The following ST3GAL1 variants were observed in gnomAD, a reference collection of about 807,000 sequenced individuals.
ST3GAL1 encodes the protein CMP-N-acetylneuraminate-beta-galactosamide-alpha-2,3-sialyltransferase 1.
ST3GAL1 carries 16 observed loss-of-function variants against 34.1 expected under a neutral mutation model. That is an observed-to-expected ratio of 0.47 (90% confidence interval 0.32 to 0.71). The LOEUF (loss-of-function observed/expected upper bound fraction) is 0.71. Ranked by LOEUF, ST3GAL1 falls within the 30% of genes least tolerant of loss-of-function variation. The pLI is 0.04. For synonymous variants in ST3GAL1, 191 were observed against 184.7 expected, an observed-to-expected ratio of 1.03 and a Z score of -0.28; for missense variants, 353 against 447.4, an observed-to-expected ratio of 0.79 and a Z score of 1.90.
intron 3 of ST3GAL1, among the ~76,000 whole-genome samples, chr8:133,493,729 C>A (rs762361614): frequency 8.7e-4 from 132 of 152,144 alleles, no homozygotes; most frequent in Admixed American, 1.9e-3. Flanking sequence ...GCCTGTAGTC[C>A]CAGCTACTCG....
At chr8:133,471,314 A>G (rs1297872826) in intron 5 of ST3GAL1, among the ~76,000 whole-genome samples, 1 of 152,190 alleles carries the variant, frequency 6.6e-6, no homozygotes, top group African/African-American at 2.4e-5. Context: ...CCCCTATCAC[A>G]TCCCCGGTGC....
rs193016155 is a variant in ST3GAL1, at chr8:133,469,710, C to T, written c.307-3620G>A. ...TCTCCCTTAGAACAAGGCTGACAAG[C>T]GCTGACAAGGTGCAAAGTAAGACAC... On this transcript the variant is annotated intron_variant, in intron 5 of 9. Coordinates refer to ENST00000522652, the MANE Select transcript of ST3GAL1 (RefSeq NM_173344.3). This position sits in a 1 kb window ranked among gnomAD's most constrained non-coding sequence, Gnocchi z 4.3. Among the ~76,000 whole-genome samples the T allele has an allele frequency of 6.6e-6, 1 of 152,324 alleles. No individual in the cohort carries two copies. Among genetic ancestry groups the T allele is most frequent in the Admixed American group, 6.5e-5 (1 of 15,302 alleles).
rs1285832167 is a variant in ST3GAL1, at chr8:133,455,296, T to C, written c.*4468A>G. 6.6e-6 allele frequency: 1 copy of C among 152,550 alleles called. No homozygotes were observed. The highest frequency in any genetic ancestry group is 2.4e-5 in the African/African-American group (1 of 41,438). 9.4% of individuals were successfully genotyped at this position (152,550 alleles called of 1,614,324 possible). ...TGATGAGGCTGGGTGATGGGATCGCTTGACGGGCTGGGAGGGAGGACAGGA... is the reference window on the plus strand; with the variant it reads ...TGATGAGGCTGGGTGATGGGATCGCCTGACGGGCTGGGAGGGAGGACAGGA... On this transcript the variant is annotated 3_prime_UTR_variant, in exon 10 of 10. Coordinates refer to ENST00000522652, the MANE Select transcript of ST3GAL1 (RefSeq NM_173344.3).
At position 133,514,390 on chromosome 8, in the gene ST3GAL1, G is replaced by A. The variant is rs75132893; in HGVS notation, c.-428-15201C>T. Among the ~76,000 whole-genome samples, 748 of 152,184 alleles carry A rather than the reference G, an allele frequency of 4.9e-3. 4 individuals are homozygous for A. Among genetic ancestry groups the A allele is most frequent in the African/African-American group, 0.017 (701 of 41,530 alleles). ...CCAGTGTCACAGCTATTTGCTCCCC[G>A]TCATATCTCCAGCAAGGAGCCTGGG... On this transcript the variant is annotated intron_variant, in intron 2 of 9. Coordinates refer to ENST00000522652, the MANE Select transcript of ST3GAL1 (RefSeq NM_173344.3).
chr8:133,490,411 G>A (rs896120576), intron 3 of ST3GAL1, among the ~76,000 whole-genome samples: 11 of 152,350 alleles, frequency 7.2e-5, no homozygotes, highest in South Asian at 2.1e-4. Context: ...ACACTAGGCC[G>A]GCTCCAGGAT....
chr8:133,505,234 G>C (rs1450913249), intron 2 of ST3GAL1, among the ~76,000 whole-genome samples: 1 of 152,186 alleles, frequency 6.6e-6, no homozygotes, highest in African/African-American at 2.4e-5. Flanking sequence ...CTGGAACATA[G>C]AGATAGTGTC....
At chr8:133,478,842 AGCCTCACTATGGCAGT>A (rs1373502561) in intron 3 of ST3GAL1, among the ~76,000 whole-genome samples, 2 of 152,182 alleles carry the variant, frequency 1.3e-5, no homozygotes, top group African/African-American at 4.8e-5. Context: ...ATGGAAACTC[AGCCTCACTATGGCAGT>A]GACCCTGTCA....
intron 1 of ST3GAL1, among the ~76,000 whole-genome samples, chr8:133,563,979 G>C (rs1819317717): frequency 6.6e-6 from 1 of 152,194 alleles, no homozygotes; most frequent in Non-Finnish European, 1.5e-5. Context: ...GTCTCAGAGT[G>C]TACTGTCTAT....
At chr8:133,488,626 A>G (rs1418544095) in intron 3 of ST3GAL1, among the ~76,000 whole-genome samples, 1 of 152,150 alleles carries the variant, frequency 6.6e-6, no homozygotes, top group Non-Finnish European at 1.5e-5. Flanking sequence ...TCCCCTGGAG[A>G]GCCCTGACTG....
intron 2 of ST3GAL1, among the ~76,000 whole-genome samples, chr8:133,541,439 C>G (rs1292129603): frequency 6.6e-6 from 1 of 152,090 alleles, no homozygotes; most frequent in Non-Finnish European, 1.5e-5. Context: ...TCAAGGTCTT[C>G]ACAAGGACAG....
intron 2 of ST3GAL1, among the ~76,000 whole-genome samples, chr8:133,539,212 A>C (rs1481948694): frequency 6.6e-6 from 1 of 152,182 alleles, no homozygotes; most frequent in Non-Finnish European, 1.5e-5. Context: ...AGAAGAACGA[A>C]GTTCTTTCGC....
At chr8:133,535,304 A>G (rs1450567545) in intron 2 of ST3GAL1, among the ~76,000 whole-genome samples, 1 of 152,184 alleles carries the variant, frequency 6.6e-6, no homozygotes, top group Non-Finnish European at 1.5e-5. Context: ...AGATCTATAG[A>G]ATACTGGCTG....
intron 1 of ST3GAL1, among the ~76,000 whole-genome samples, chr8:133,552,752 C>T (rs1818898455): frequency 6.6e-6 from 1 of 152,184 alleles, no homozygotes; most frequent in African/African-American, 2.4e-5. Context: ...TAATGAAGTG[C>T]CTTTCTGAAT....
Position 133,461,774 on chromosome 8 carries a change from G to A in ST3GAL1, c.849+101C>T, listed in dbSNP as rs1008141263. On this transcript the variant is annotated intron_variant, in intron 9 of 9. Coordinates refer to ENST00000522652, the MANE Select transcript of ST3GAL1 (RefSeq NM_173344.3). This position sits in a 1 kb window ranked among gnomAD's most constrained non-coding sequence, Gnocchi z 4.7. ...ACAGGGAATCCGAGCTTCCGGAAGA[G>A]GCAGGCTAGGTCTACCTGCCCTCCC... is the stretch of plus-strand genomic sequence containing the variant. 1.3e-6 allele frequency: 2 copies of A among 1,527,810 alleles called. No individual in the cohort carries two copies. The highest frequency in any genetic ancestry group is 1.4e-5 in the African/African-American group (1 of 73,194). 94.6% of individuals were successfully genotyped at this position (1,527,810 alleles called of 1,614,324 possible). A position where few individuals can be genotyped will look rare whatever the true frequency, so the allele number is the denominator to read the frequency against.
rs549810488 is a variant in ST3GAL1, at chr8:133,523,965, C to A, written c.-429+21809G>T. ...CATTATGAGAAAAACATGCTTCAGG[C>A]AGCCTGTGACCCTCCAGTCAGGGCC... On this transcript the variant is annotated intron_variant, in intron 2 of 9. Coordinates refer to ENST00000522652, the MANE Select transcript of ST3GAL1 (RefSeq NM_173344.3). Among the ~76,000 whole-genome samples the A allele has an allele frequency of 1.8e-4, 28 of 152,312 alleles. No individual in the cohort carries two copies. The Middle Eastern group carries it at 0.021, about 112-fold the overall frequency.
At chr8:133,509,558 C>T (rs545313300) in intron 2 of ST3GAL1, among the ~76,000 whole-genome samples, 3 of 152,338 alleles carry the variant, frequency 2.0e-5, no homozygotes, top group South Asian at 2.1e-4. Context: ...CTGAGTGAGC[C>T]GCTTGCAAAC....
chr8:133,571,104 C>T lies in ST3GAL1; in HGVS notation c.-582+589G>A, dbSNP rs951706976. Among the ~76,000 whole-genome samples the T allele has an allele frequency of 1.2e-4, 18 of 152,344 alleles. No homozygotes were observed. The highest frequency in any genetic ancestry group is 3.8e-4 in the African/African-American group (16 of 41,590). ...CGGCGTCCCCGGGGCCGATAGCCAC[C>T]TCCCGGATCTGCGCCTGCTTGCAGC... On this transcript the variant is annotated intron_variant, in intron 1 of 9. Coordinates refer to ENST00000522652, the MANE Select transcript of ST3GAL1 (RefSeq NM_173344.3). This position sits in a 1 kb window ranked among gnomAD's most constrained non-coding sequence, Gnocchi z 6.7.
chr8:133,526,110 C>T (rs1458460244), intron 2 of ST3GAL1, among the ~76,000 whole-genome samples: 2 of 152,238 alleles, frequency 1.3e-5, no homozygotes. Context: ...CTGCTGCCAT[C>T]ACTGACAATT....
chr8:133,497,005 C>T (rs1282215968), intron 3 of ST3GAL1, among the ~76,000 whole-genome samples: 3 of 152,242 alleles, frequency 2.0e-5, no homozygotes, highest in Non-Finnish European at 4.4e-5. Context: ...CCATGAACTG[C>T]TCCCCCAGGC....
Sources: allele counts gnomAD v4.1 joint callset (sites outside exome capture counted in the v4.1 genomes callset), GRCh38; gene constraint gnomAD v4.1.1; non-coding constraint Gnocchi (gnomAD v3.1); transcripts MANE v1.5; gene names NCBI Gene and HGNC (gene_info 2026-07-23, HGNC 2026-07-21).